The following STXBP5L variants were observed in gnomAD, a reference collection of about 807,000 sequenced individuals.
The protein encoded by STXBP5L is syntaxin-binding protein 5-like.
In STXBP5L, 65 loss-of-function variants were observed where a neutral mutation model predicts 144.5. The ratio of observed to expected loss-of-function variants is 0.45; its 90% CI spans 0.37 to 0.55. The LOEUF is 0.55. Ranked by LOEUF, STXBP5L falls within the 20% of genes least tolerant of loss-of-function variation. The pLI is 0.00. For synonymous variants in STXBP5L, 505 were observed against 469.6 expected (o/e 1.08, Z -0.97); for missense variants, 1,298 against 1,405.5 (o/e 0.92, Z 1.22).
At chr3:121,296,961 G>A (rs571717072) in intron 19 of STXBP5L, among the ~76,000 whole-genome samples, 178 of 152,222 alleles carry the variant, frequency 1.2e-3, no homozygotes, top group Non-Finnish European at 1.9e-3. Flanking sequence ...TTAACCAAAA[G>A]TTGAATTAAG....
chr3:120,921,412 C>T (rs1049582393), intron 2 of STXBP5L, among the ~76,000 whole-genome samples: 15 of 152,062 alleles, frequency 9.9e-5, no homozygotes, highest in African/African-American at 2.9e-4. Flanking sequence ...AATATTTTCT[C>T]CCATTCTGTG....
At chr3:121,157,807 C>T (rs1419088481) in intron 9 of STXBP5L, 180 bp downstream of exon 9, 2 of 771,860 alleles carry the variant, frequency 2.6e-6, no homozygotes, top group African/African-American at 1.9e-5. Flanking sequence ...TCCATACTTC[C>T]CTTCTTCCTA....
intron 20 of STXBP5L, among the ~76,000 whole-genome samples, chr3:121,329,653 G>A (rs1016511640): frequency 2.6e-5 from 4 of 152,152 alleles, no homozygotes; most frequent in African/African-American, 9.7e-5. Flanking sequence ...TTGAGGTCAG[G>A]AGTTCAAGAC....
At chr3:121,106,749 G>T (rs1215862619) in intron 5 of STXBP5L, among the ~76,000 whole-genome samples, 4 of 152,092 alleles carry the variant, frequency 2.6e-5, no homozygotes, top group Non-Finnish European at 4.4e-5. Flanking sequence ...ATTCCTCTGG[G>T]TATATACCCA....
chr3:121,194,614 GT>G (rs932519116), intron 9 of STXBP5L, among the ~76,000 whole-genome samples: 19 of 151,514 alleles, frequency 1.3e-4, no homozygotes, highest in Middle Eastern at 3.2e-3. Context: ...CTCCTCTTCT[GT>G]TTTTTTTGGA....
At chr3:121,189,777 T>C (rs1331952669) in intron 9 of STXBP5L, among the ~76,000 whole-genome samples, 1 of 152,162 alleles carries the variant, frequency 6.6e-6, no homozygotes, top group African/African-American at 2.4e-5. Flanking sequence ...CTTTATTACA[T>C]TAAATTATAC....
intron 5 of STXBP5L, among the ~76,000 whole-genome samples, chr3:121,053,489 G>A (rs1948193771): frequency 6.6e-6 from 1 of 152,088 alleles, no homozygotes; most frequent in Non-Finnish European, 1.5e-5. Flanking sequence ...CAAGAAATGG[G>A]GAAAGGATTC....
At chr3:121,179,917 G>A (rs1322173614) in intron 9 of STXBP5L, among the ~76,000 whole-genome samples, 6 of 152,076 alleles carry the variant, frequency 3.9e-5, no homozygotes, top group Non-Finnish European at 7.4e-5. Context: ...GATGAACCAA[G>A]TCTCCAAGAA....
chr3:121,061,173 C>T (rs535373981), intron 5 of STXBP5L, among the ~76,000 whole-genome samples: 1 of 152,184 alleles, frequency 6.6e-6, no homozygotes, highest in African/African-American at 2.4e-5. Flanking sequence ...TACGTTAAGT[C>T]TTTGTTCTCA....
intron 5 of STXBP5L, among the ~76,000 whole-genome samples, chr3:121,110,399 G>T (rs576473685): frequency 1.3e-5 from 2 of 152,094 alleles, no homozygotes; most frequent in Non-Finnish European, 2.9e-5. Flanking sequence ...GCTTCCTTTG[G>T]GAGCTCTTGC....
intron 5 of STXBP5L, among the ~76,000 whole-genome samples, chr3:121,058,003 T>C (rs1041815952): frequency 1.3e-5 from 2 of 152,118 alleles, no homozygotes; most frequent in African/African-American, 4.8e-5. Flanking sequence ...ATACTTAAAG[T>C]TTTGGGATAC....
intron 19 of STXBP5L, among the ~76,000 whole-genome samples, chr3:121,315,404 A>G (rs2043747670): frequency 1.3e-5 from 2 of 149,004 alleles, no homozygotes; most frequent in South Asian, 2.2e-4. Context: ...CAAACACTAC[A>G]TATTCTCACT....
intron 3 of STXBP5L, among the ~76,000 whole-genome samples, chr3:121,017,487 G>A (rs995127125): frequency 2.0e-5 from 3 of 152,158 alleles, no homozygotes; most frequent in Non-Finnish European, 4.4e-5. Context: ...GATTGGGAAG[G>A]AAGAAATAAC....
intron 3 of STXBP5L, among the ~76,000 whole-genome samples, chr3:121,035,811 T>C (rs1946707989): frequency 6.6e-6 from 1 of 152,188 alleles, no homozygotes; most frequent in Non-Finnish European, 1.5e-5. Flanking sequence ...GTCATTTTAA[T>C]GAATCTAGAT....
chr3:120,917,035 A>G (rs1576413914), intron 2 of STXBP5L, among the ~76,000 whole-genome samples: 1 of 152,226 alleles, frequency 6.6e-6, no homozygotes, highest in Non-Finnish European at 1.5e-5. Context: ...GAAACTAGAA[A>G]AGGAGACAGA....
intron 3 of STXBP5L, among the ~76,000 whole-genome samples, chr3:121,039,077 G>A (rs1398524692): frequency 2.0e-5 from 3 of 151,838 alleles, no homozygotes; most frequent in Non-Finnish European, 2.9e-5. Flanking sequence ...TTTAAATGGG[G>A]TGTTTACACT....
intron 23 of STXBP5L, among the ~76,000 whole-genome samples, chr3:121,408,008 A>T (rs2047034327): frequency 6.6e-6 from 1 of 151,996 alleles, no homozygotes; most frequent in Non-Finnish European, 1.5e-5. Context: ...TCACCCAAGA[A>T]ATTTACATAC....
At chr3:121,241,188 C>T (rs2049653532) in intron 14 of STXBP5L, among the ~76,000 whole-genome samples, 2 of 152,076 alleles carry the variant, frequency 1.3e-5, no homozygotes, top group South Asian at 4.1e-4. Context: ...AGTTTTCTTT[C>T]TGCCTCATAT....
In STXBP5L at chr3:121,093,642, T is replaced by G. The variant is rs968100231; in HGVS notation, c.471-21283T>G. ...TATCCCCTTTATCATTTTTTCTTGC[T>G]TCTATTTGATTCTTCTCTCTTTTTT... On this transcript the variant is annotated intron_variant, in intron 5 of 26. Transcript: ENST00000471454. 2.0e-5 allele frequency among the ~76,000 whole-genome samples: 3 copies of G among 152,084 alleles called. No homozygotes were observed. The East Asian group carries it at 5.8e-4, about 29-fold the overall frequency.
Sources: allele counts gnomAD v4.1 joint callset (sites outside exome capture counted in the v4.1 genomes callset), GRCh38; gene constraint gnomAD v4.1.1; transcripts MANE v1.5; gene names NCBI Gene and HGNC (gene_info 2026-07-23, HGNC 2026-07-21).